Variants in WEE1 observed in about 807,000 individuals in gnomAD.
The protein encoded by WEE1 is wee1-like protein kinase.
WEE1 carries 16 observed loss-of-function variants against 68.8 expected under a neutral mutation model. The observed-to-expected ratio is 0.23, with a 90% CI of 0.16 to 0.35. WEE1 has a LOEUF of 0.35. Ranked by LOEUF, WEE1 falls within the 10% of genes least tolerant of loss-of-function variation. The probability of loss-of-function intolerance (pLI) is 1.00; values close to 1 mark genes in which losing one functional copy is unlikely to be tolerated. For missense variants in WEE1, 651 were observed against 824.1 expected (o/e 0.79, Z 2.57); for synonymous variants, 349 against 318.7 (o/e 1.09, Z -1.01).
Position 9,574,657 on chromosome 11 carries a change from G to C in WEE1, c.576+148G>C. 1 of 1,113,220 alleles carries C rather than the reference G, an allele frequency of 9.0e-7. No individual in the cohort carries two copies. The highest frequency in any genetic ancestry group is 1.1e-6 in the Non-Finnish European group (1 of 913,400). 69.0% of individuals were successfully genotyped at this position (1,113,220 alleles called of 1,614,324 possible). A position where few individuals can be genotyped will look rare whatever the true frequency, so the allele number is the denominator to read the frequency against. ...CCCAAAGTTGGCAGCCCTTGTGTTT[G>C]GCCCTGCCCCGAGGTTGTCCGTTGA... On this transcript the variant is annotated intron_variant, in intron 1 of 10. Transcript: ENST00000450114. The surrounding 1 kb of genome is among the most constrained non-coding windows in gnomAD (Gnocchi z 4.9).
intron 6 of WEE1, among the ~76,000 whole-genome samples, chr11:9,582,304 G>A (rs777612857): frequency 2.6e-5 from 4 of 152,142 alleles, no homozygotes; most frequent in African/African-American, 7.2e-5. Flanking sequence ...TATCTTGCAA[G>A]CTATCCCTTT....
In WEE1 at chr11:9,574,823, A is replaced by G; in HGVS notation, c.576+314A>G. ...GTCAGCCCCGAGTGCGGCACCGATA[A>G]CGCGGTTCGCGAGGATGCTGGAGGG... On this transcript the variant is annotated intron_variant, in intron 1 of 10. Coordinates refer to ENST00000450114, the MANE Select transcript of WEE1 (RefSeq NM_003390.4). The surrounding 1 kb of genome is among the most constrained non-coding windows in gnomAD (Gnocchi z 4.9). 2 of 994,316 alleles carry G rather than the reference A, an allele frequency of 2.0e-6. No homozygotes were observed. Among genetic ancestry groups the G allele is most frequent in the African/African-American group, 3.5e-5 (2 of 57,696 alleles). 61.6% of individuals were successfully genotyped at this position (994,316 alleles called of 1,614,324 possible). A position where few individuals can be genotyped will look rare whatever the true frequency, so the allele number is the denominator to read the frequency against.
chr11:9,582,428 G>A (rs2134349687), intron 6 of WEE1, among the ~76,000 whole-genome samples: 2 of 152,244 alleles, frequency 1.3e-5, no homozygotes, highest in East Asian at 3.9e-4. Flanking sequence ...AAGCATCTTA[G>A]GCTAGATGAA....
chr11:9,575,813 G>A (rs750760498), intron 1 of WEE1, 75 bp from the exon 2 acceptor site: 92 of 1,347,832 alleles, frequency 6.8e-5, no homozygotes, highest in Non-Finnish European at 9.4e-5. Context: ...TGAAAGGCTC[G>A]TTGAAGGTTA....
At chr11:9,584,637 C>T (rs1350036526) in intron 6 of WEE1, among the ~76,000 whole-genome samples, 1 of 152,224 alleles carries the variant, frequency 6.6e-6, no homozygotes, top group Non-Finnish European at 1.5e-5. Flanking sequence ...TCTGCTCACA[C>T]CAGCCTTATA....
intron 5 of WEE1, chr11:9,579,471 G>A (rs1301832688): frequency 6.6e-6 from 1 of 152,116 alleles, no homozygotes; most frequent in Non-Finnish European, 1.5e-5. Flanking sequence ...TGCATTATAA[G>A]CCTTTTATCT....
Position 9,576,591 on chromosome 11 carries a change from G to A in WEE1, c.951G>A (p.Val317=). 9 of 1,614,048 alleles carry A rather than the reference G, an allele frequency of 5.6e-6. No homozygotes were observed. Among genetic ancestry groups the A allele is most frequent in the Non-Finnish European group, 6.8e-6 (8 of 1,179,944 alleles). ...AATTTGGTTCTGTATTTAAGTGTGT[G>A]AAGAGGCTGGATGGATGCATTTATG... ...SGEFGSVFKC[V]KRLDGCIYAI... is the part of the protein sequence containing the mutation. The change falls in exon 4 of 11, where the codon GTG becomes GTA. Residue 317 remains valine, a synonymous_variant. Transcript: ENST00000450114. This position sits in a 1 kb window ranked among gnomAD's most constrained non-coding sequence, Gnocchi z 4.3.
Position 9,589,592 on chromosome 11 carries a change from T to C in WEE1, c.*990T>C, listed in dbSNP as rs191119627. On this transcript the variant is annotated 3_prime_UTR_variant, in exon 11 of 11. Transcript: ENST00000450114. ...TCCAAGTTTTTCACAAAATATATTT[T>C]ATCTGTGATTAGCCATTTGACTAAT... 15 of 985,876 alleles carry C rather than the reference T, an allele frequency of 1.5e-5. No individual in the cohort carries two copies. The Admixed American group carries it at 9.2e-4, about 61-fold the overall frequency. 61.1% of individuals were successfully genotyped at this position (985,876 alleles called of 1,614,324 possible). A position where few individuals can be genotyped will look rare whatever the true frequency, so the allele number is the denominator to read the frequency against.
chr11:9,574,446 G>A lies in WEE1; in HGVS notation c.513G>A (p.Pro171=), dbSNP rs1849541163. ...EGRRSPRPDH[P]GTPPHKTFRK... ...GCCGCTCGCCGCGGCCGGACCACCC[G>A]GGCACCCCGCCACACAAGACCTTCC... Residue 171 remains proline (P), a synonymous_variant, in exon 1 of 11, where the codon CCG becomes CCA. Coordinates refer to ENST00000450114, the MANE Select transcript of WEE1 (RefSeq NM_003390.4). The surrounding 1 kb of genome is among the most constrained non-coding windows in gnomAD (Gnocchi z 4.9). 1.6e-6 allele frequency: 2 copies of A among 1,229,284 alleles called. No homozygotes were observed. Among genetic ancestry groups the A allele is most frequent in the Non-Finnish European group, 1.0e-6 (1 of 989,376 alleles). The allele number at this position is 1,229,284 out of a possible 1,614,324, so 76.1% of individuals were successfully genotyped here.
intron 6 of WEE1, among the ~76,000 whole-genome samples, chr11:9,583,068 C>T (rs1849646222): frequency 6.6e-6 from 1 of 152,038 alleles, no homozygotes; most frequent in Admixed American, 6.6e-5. Flanking sequence ...GTAATCCCAG[C>T]ACTCTGGCAG....
rs199979048 is a variant in WEE1, at chr11:9,576,113, G to A, written c.782+20G>A. The stretch of plus-strand genomic sequence containing the variant: ...GAATGAGTAAGTCGTTTATTTAACA[G>A]TTTGGTTCTCCAAATAACCTAAGAT... On this transcript the variant is annotated intron_variant, in intron 2 of 10. Transcript: ENST00000450114. The surrounding 1 kb of genome is among the most constrained non-coding windows in gnomAD (Gnocchi z 4.3). The A allele has an allele frequency of 1.4e-4, 220 of 1,612,898 alleles. No homozygotes were observed. Among genetic ancestry groups the A allele is most frequent in the Non-Finnish European group, 2.5e-5 (30 of 1,179,250 alleles).
chr11:9,581,650 GT>G lies in WEE1; in HGVS notation c.1261del (p.Ser421LeufsTer7). The G allele has an allele frequency of 6.2e-7, 1 of 1,613,090 alleles. No homozygotes were observed. The highest frequency in any genetic ancestry group is 8.5e-7 in the Non-Finnish European group (1 of 1,179,758). On this transcript the variant is annotated frameshift_variant, in exon 6 of 11. Coordinates refer to ENST00000450114, the MANE Select transcript of WEE1 (RefSeq NM_003390.4). LOFTEE classifies it high-confidence loss of function. ...GRGLRYIHSM[S>X]LVHMDIKPSN... ...GAGGCTTGAGGTATATTCATTCAAT[GT>G]CTTTGGTTCACATGGATATAAAACC... is the stretch of plus-strand genomic sequence containing the variant.
chr11:9,576,428 C>T lies in WEE1; in HGVS notation c.847-59C>T. On this transcript the variant is annotated intron_variant, in intron 3 of 10. Coordinates refer to ENST00000450114, the MANE Select transcript of WEE1 (RefSeq NM_003390.4). The surrounding 1 kb of genome is among the most constrained non-coding windows in gnomAD (Gnocchi z 4.3). Reference sequence around the variant, plus strand: ...TTCACACATAGCCCTATCACCATAGCAAGAAATAACTGTTTTCGTATATTT... The same window carrying T: ...TTCACACATAGCCCTATCACCATAGTAAGAAATAACTGTTTTCGTATATTT... 1 of 1,577,846 alleles carries T rather than the reference C, an allele frequency of 6.3e-7. No individual in the cohort carries two copies. The highest frequency in any genetic ancestry group is 1.8e-5 in the Admixed American group (1 of 55,170).
At position 9,574,231 on chromosome 11, in the gene WEE1, C is replaced by T; in HGVS notation, c.298C>T (p.Pro100Ser). ...GGACCTGTTGCTGCCCGGCGCCTGC[C>T]CGGGCGCGGACGAGGCGGGCGGTGG... ...EEDLLLPGAC[P>S]GADEAGGGAE... is the part of the protein sequence containing the mutation. The change falls in exon 1 of 11, where the codon CCG becomes TCG. Residue 100 changes from proline to serine, a missense_variant. Pro to Ser is a moderately conservative substitution (Grantham distance 74). Coordinates refer to ENST00000450114, the MANE Select transcript of WEE1 (RefSeq NM_003390.4). This position sits in a 1 kb window ranked among gnomAD's most constrained non-coding sequence, Gnocchi z 4.9. The T allele has an allele frequency of 8.4e-7, 1 of 1,192,184 alleles. No individual in the cohort carries two copies. The highest frequency in any genetic ancestry group is 3.7e-5 in the East Asian group (1 of 27,272). The allele number at this position is 1,192,184 out of a possible 1,614,324, so 73.9% of individuals were successfully genotyped here.
At position 9,588,848 on chromosome 11, in the gene WEE1, G is replaced by T. The variant is rs968284969; in HGVS notation, c.*246G>T. On this transcript the variant is annotated 3_prime_UTR_variant, in exon 11 of 11. Coordinates refer to ENST00000450114, the MANE Select transcript of WEE1 (RefSeq NM_003390.4). ...TGGATGTTACACCAGCCTTTCCAGGGTTAACCACTGTGGTGGTGTGCTGCT... is the reference window on the plus strand; with the variant it reads ...TGGATGTTACACCAGCCTTTCCAGGTTTAACCACTGTGGTGGTGTGCTGCT... 1 of 1,089,326 alleles carries T rather than the reference G, an allele frequency of 9.2e-7. No homozygotes were observed. The allele number at this position is 1,089,326 out of a possible 1,614,324, so 67.5% of individuals were successfully genotyped here. A position where few individuals can be genotyped will look rare whatever the true frequency, so the allele number is the denominator to read the frequency against.
rs938861310 is a variant in WEE1, at chr11:9,589,873, T to A, written c.*1271T>A. 1.2e-5 allele frequency: 3 copies of A among 243,890 alleles called. No individual in the cohort carries two copies. The highest frequency in any genetic ancestry group is 2.0e-5 in the Non-Finnish European group (3 of 152,022). The allele number at this position is 243,890 out of a possible 1,614,324, so 15.1% of individuals were successfully genotyped here. A position where few individuals can be genotyped will look rare whatever the true frequency, so the allele number is the denominator to read the frequency against. On this transcript the variant is annotated 3_prime_UTR_variant, in exon 11 of 11. Transcript: ENST00000450114. ...ATAAAAGCAGAGGGCACATTTTGAT[T>A]GAATATGAATATCACATTGCATGTT... is the stretch of plus-strand genomic sequence containing the variant.
In WEE1 at chr11:9,574,410, G is replaced by A. The variant is rs575651109; in HGVS notation, c.477G>A (p.Ala159=). 9 of 1,214,868 alleles carry A rather than the reference G, an allele frequency of 7.4e-6. No homozygotes were observed. In the South Asian group the frequency reaches 2.4e-4, roughly 32 times the overall value. 75.3% of individuals were successfully genotyped at this position (1,214,868 alleles called of 1,614,324 possible). The part of the protein sequence containing the change: ...ASPRGCGARR[A]GEGRRSPRPD... ...CGCGGGGTTGCGGGGCGCGCCGGGCGGGCGAAGGCCGCCGCTCGCCGCGGC... is the reference window on the plus strand; with the variant it reads ...CGCGGGGTTGCGGGGCGCGCCGGGCAGGCGAAGGCCGCCGCTCGCCGCGGC... The change falls in exon 1 of 11, where the codon GCG becomes GCA. Residue 159 remains alanine (A), a synonymous_variant. Coordinates refer to ENST00000450114, the MANE Select transcript of WEE1 (RefSeq NM_003390.4). This position sits in a 1 kb window ranked among gnomAD's most constrained non-coding sequence, Gnocchi z 4.9.
chr11:9,588,577 G>A lies in WEE1; in HGVS notation c.1916G>A (p.Arg639His), dbSNP rs1200711521. 6.2e-7 allele frequency: 1 copy of A among 1,603,704 alleles called. No individual in the cohort carries two copies. Among genetic ancestry groups the A allele is most frequent in the Non-Finnish European group, 8.5e-7 (1 of 1,176,762 alleles). ...CGACTTATTGGAAAGAAAATGAACC[G>A]CTCTGTCAGCCTTACTATATACTGA... ...TSRLIGKKMN[R>H]SVSLTIY Residue 639 changes from arginine to histidine, a missense_variant, in exon 11 of 11, where the codon CGC becomes CAC. This residue lies in a region of WEE1 where 115 missense variants were observed against 142.7 expected (regional missense o/e 0.81). Transcript: ENST00000450114.
rs1278055737 is a variant in WEE1, at chr11:9,588,436, A to G, written c.1788-13A>G. ...TCCTAGGAATAATACCTTGTTTTCT[A>G]TTTTTATGTCAGAGAACTCAAGAAA... On this transcript the variant is annotated splice_polypyrimidine_tract_variant and intron_variant, in intron 10 of 10. Transcript: ENST00000450114. The G allele has an allele frequency of 2.6e-6, 4 of 1,553,984 alleles. No homozygotes were observed. In the African/African-American group the frequency reaches 4.2e-5, roughly 16 times the overall value.
Sources: allele counts gnomAD v4.1 joint callset (sites outside exome capture counted in the v4.1 genomes callset), GRCh38; gene constraint gnomAD v4.1.1; regional missense constraint gnomAD v4.1.1; non-coding constraint Gnocchi (gnomAD v3.1); transcripts MANE v1.5; gene names NCBI Gene and HGNC (gene_info 2026-07-23, HGNC 2026-07-21).